DHRS1: variants seen among roughly 807,000 people sequenced by gnomAD.
DHRS1 encodes dehydrogenase/reductase SDR family member 1.
DHRS1 carries 34 observed loss-of-function variants against 35.2 expected under a neutral mutation model. The ratio of observed to expected loss-of-function variants is 0.97; its 90% confidence interval spans 0.74 to 1.29. DHRS1 has a LOEUF of 1.29. Ranked by LOEUF, DHRS1 falls within the 50% of genes most tolerant of loss-of-function variation. The probability of loss-of-function intolerance (pLI) is 0.00; values close to 1 mark genes in which losing one functional copy is unlikely to be tolerated. For missense variants in DHRS1, 354 were observed against 403.6 expected (o/e 0.88, Z 1.05); for synonymous variants, 133 against 160.0 (o/e 0.83, Z 1.27).
rs1315963016 is a variant in DHRS1, at chr14:24,299,024, C to G, written c.83G>C (p.Cys28Ser). The G allele has an allele frequency of 6.2e-7, 1 of 1,613,930 alleles. No individual in the cohort carries two copies. The highest frequency in any genetic ancestry group is 8.5e-7 in the Non-Finnish European group (1 of 1,179,940). ...GATGTAAACTGTGGCGCCTGCTTTG[C>G]AGAGCTGCAAGGCAATGCCACGGCC... ...GIGRGIALQLCKAGATVYITG... is the reference protein window; with the variant it reads ...GIGRGIALQLSKAGATVYITG... The change falls in exon 2 of 9, where the codon TGC becomes TCC. Residue 28 changes from cysteine (C) to serine (S), a missense_variant. By Grantham distance (112) the Cys-to-Ser change is moderately radical (BLOSUM62 -1). Coordinates refer to ENST00000288111, the MANE Select transcript of DHRS1 (RefSeq NM_001136050.3).
chr14:24,298,001 A>C (rs1023275723), intron 2 of DHRS1, among the ~76,000 whole-genome samples: 1 of 152,126 alleles, frequency 6.6e-6, no homozygotes, highest in Non-Finnish European at 1.5e-5. Context: ...CATTGAAGTG[A>C]CTGCTTTCTG....
chr14:24,295,857 A>G (rs12896386), intron 4 of DHRS1, among the ~76,000 whole-genome samples: 1 of 152,050 alleles, frequency 6.6e-6, no homozygotes, highest in African/African-American at 2.4e-5. Flanking sequence ...ATTTGCCGAT[A>G]ATCTCGTGGT....
At position 24,292,792 on chromosome 14, in the gene DHRS1, G is replaced by T; in HGVS notation, c.375-8C>A. 6.2e-7 allele frequency: 1 copy of T among 1,609,228 alleles called. No homozygotes were observed. Among genetic ancestry groups the T allele is most frequent in the Non-Finnish European group, 8.5e-7 (1 of 1,177,904 alleles). Reference sequence around the variant, plus strand: ...GAGCAAAAGTAGTGGCCTCTAGAAGGTGGGGCAAGGGAAGAAGGAATGAAC... The same window carrying T: ...GAGCAAAAGTAGTGGCCTCTAGAAGTTGGGGCAAGGGAAGAAGGAATGAAC... On this transcript the variant is annotated splice_region_variant and splice_polypyrimidine_tract_variant and intron_variant, in intron 4 of 8. Transcript: ENST00000288111.
At chr14:24,298,701 G>A (rs765702388) in intron 2 of DHRS1, 4 of 394,402 alleles carry the variant, frequency 1.0e-5, no homozygotes, top group East Asian at 4.7e-5. Flanking sequence ...CTCAGCCTCC[G>A]GAGTAGCTGC....
chr14:24,292,199 A>G lies in DHRS1; in HGVS notation c.639T>C (p.Asp213=). The change falls in exon 6 of 9, where the codon GAT becomes GAC. Residue 213 remains aspartate (D), a synonymous_variant. Transcript: ENST00000288111. The stretch of plus-strand genomic sequence containing the variant: ...CCTTGCCAACCTGCTTCAACACAGG[A>G]TCCTGCAGGACCTCCTCCTTTGCCA... ...EHMAKEEVLQ[D]PVLKQFKSAF... The G allele has an allele frequency of 6.2e-7, 1 of 1,613,990 alleles. No individual in the cohort carries two copies. The highest frequency in any genetic ancestry group is 8.5e-7 in the Non-Finnish European group (1 of 1,179,966).
Position 24,299,296 on chromosome 14 carries a change from G to A in DHRS1, c.-24-166C>T, listed in dbSNP as rs536211046. On this transcript the variant is annotated intron_variant, in intron 1 of 8. Transcript: ENST00000288111. ...GCTGACAACTGGGTGCGGGCCTGAG[G>A]ACAAGGCTGACTGTCTTTTGGGAGG... The A allele has an allele frequency of 6.7e-4, 403 of 603,572 alleles. 2 individuals carry two copies. In the South Asian group the frequency reaches 8.6e-3, roughly 13 times the overall value. 37.4% of individuals were successfully genotyped at this position (603,572 alleles called of 1,614,324 possible).
chr14:24,299,193 T>TCTCCCCTACCCCCCAACCTC, intron 1 of DHRS1, 63 bp from the exon 2 acceptor site: 1 of 1,465,184 alleles, frequency 6.8e-7, no homozygotes, highest in Non-Finnish European at 9.2e-7. Flanking sequence ...GGGGCGAGGT[T>TCTCCCCTACCCCCCAACCTC]GGGGGGTAGG....
Position 24,291,639 on chromosome 14 carries a change from G to T in DHRS1, c.655-14C>A. The T allele has an allele frequency of 6.2e-7, 1 of 1,613,336 alleles. No homozygotes were observed. Among genetic ancestry groups the T allele is most frequent in the Non-Finnish European group, 8.5e-7 (1 of 1,179,226 alleles). ...GGCTGATTTGAACTGAAACACAGGG[G>T]CAGAGAAGTGAAGGGTTAATTTCCA... is the stretch of plus-strand genomic sequence containing the variant. On this transcript the variant is annotated splice_polypyrimidine_tract_variant and intron_variant, in intron 6 of 8. Coordinates refer to ENST00000288111, the MANE Select transcript of DHRS1 (RefSeq NM_001136050.3).
In DHRS1 at chr14:24,299,139, G is replaced by A. The variant is rs753198791; in HGVS notation, c.-24-9C>T. 6.3e-7 allele frequency: 1 copy of A among 1,599,236 alleles called. No homozygotes were observed. The highest frequency in any genetic ancestry group is 1.1e-5 in the South Asian group (1 of 90,338). On this transcript the variant is annotated splice_polypyrimidine_tract_variant and intron_variant, in intron 1 of 8. Transcript: ENST00000288111. ...AGGCAAAGGAGGCAGGTCTGTGGAA[G>A]CAAAGACTTACTCTGAGGGAAGCCT...
chr14:24,291,095 G>C, intron 8 of DHRS1, 44 bp downstream of exon 8: 1 of 1,613,416 alleles, frequency 6.2e-7, no homozygotes, highest in Non-Finnish European at 8.5e-7. Context: ...GCAGGGAACA[G>C]AGGGAACAGC....
intron 2 of DHRS1, among the ~76,000 whole-genome samples, chr14:24,298,450 A>T (rs2041300120): frequency 6.6e-6 from 1 of 152,236 alleles, no homozygotes; most frequent in Non-Finnish European, 1.5e-5. Context: ...TCAAATATTT[A>T]TTTAACTGAA....
At chr14:24,292,125 T>C in intron 6 of DHRS1, 59 bp downstream of exon 6, 1 of 1,606,040 alleles carries the variant, frequency 6.2e-7, no homozygotes, top group Non-Finnish European at 8.5e-7. Context: ...GATCTTGTTA[T>C]TGAGGATGCA....
Position 24,290,757 on chromosome 14 carries a change from A to G in DHRS1, c.*102T>C. ...CAGCAGAGGGCTTCTCTTCATATCA[A>G]GGGTATGGGTAAACAAGAAAGGCTG... On this transcript the variant is annotated 3_prime_UTR_variant, in exon 9 of 9. Transcript: ENST00000288111. The G allele has an allele frequency of 6.8e-7, 1 of 1,467,368 alleles. No homozygotes were observed. Among genetic ancestry groups the G allele is most frequent in the Non-Finnish European group, 9.4e-7 (1 of 1,062,478 alleles). 90.9% of individuals were successfully genotyped at this position (1,467,368 alleles called of 1,614,324 possible).
rs199559813 is a variant in DHRS1, at chr14:24,292,172, C to G, written c.654+12G>C. On this transcript the variant is annotated intron_variant, in intron 6 of 8. Coordinates refer to ENST00000288111, the MANE Select transcript of DHRS1 (RefSeq NM_001136050.3). ...CCCTGTTCTCTGCTTCCTTCGCCCT[C>G]CCCTTGCCAACCTGCTTCAACACAG... 9 of 1,614,120 alleles carry G rather than the reference C, an allele frequency of 5.6e-6. No homozygotes were observed. Among genetic ancestry groups the G allele is most frequent in the Non-Finnish European group, 7.6e-6 (9 of 1,180,004 alleles).
rs765209628 is a variant in DHRS1, at chr14:24,296,757, T to C, written c.275A>G (p.Asn92Ser). Residue 92 changes from asparagine (N) to serine (S), a missense_variant, in exon 3 of 9, where the codon AAT becomes AGT. Asn to Ser is a conservative substitution (Grantham distance 46). Transcript: ENST00000288111. ...QQGRLDVLVN[N>S]AYAGVQTILN... ...GGGTACCTGGACCCCTGCATAAGCA[T>C]TGTTGACCAGCACATCTAGACGCCC... The C allele has an allele frequency of 2.5e-6, 4 of 1,614,182 alleles. No individual in the cohort carries two copies. The highest frequency in any genetic ancestry group is 2.2e-5 in the East Asian group (1 of 44,880).
chr14:24,292,057 G>A, intron 6 of DHRS1, 127 bp downstream of exon 6: 1 of 1,159,140 alleles, frequency 8.6e-7, no homozygotes, highest in Non-Finnish European at 1.3e-6. Context: ...GAAATAATGT[G>A]TGTCCCATGC....
At chr14:24,293,000 G>A in intron 4 of DHRS1, 4 of 532,340 alleles carry the variant, frequency 7.5e-6, no homozygotes, top group South Asian at 6.0e-5. Flanking sequence ...AGCAATCTTT[G>A]GAAGAAGAAA....
rs374567221 is a variant in DHRS1 at position 24,296,504 on chromosome 14, C to T, written c.374+5G>A. 1.4e-5 allele frequency: 22 copies of T among 1,613,972 alleles called. No individual in the cohort carries two copies. Among genetic ancestry groups the T allele is most frequent in the South Asian group, 8.8e-5 (8 of 91,080 alleles). On this transcript the variant is annotated splice_donor_5th_base_variant and intron_variant, in intron 4 of 8. Transcript: ENST00000288111. ...GAACATGGGTCCTGGCAGTGGAGCACCCACCTGAGTCCGACGTTGTTGATA... is the reference window on the plus strand; with the variant it reads ...GAACATGGGTCCTGGCAGTGGAGCATCCACCTGAGTCCGACGTTGTTGATA...
chr14:24,293,176 T>C (rs1019381875), intron 4 of DHRS1: 12 of 173,172 alleles, frequency 6.9e-5, no homozygotes, highest in Admixed American at 5.6e-4. Flanking sequence ...ATCATTTCTA[T>C]GTAAATCAAT....
Sources: gnomAD v4.1 joint callset for allele counts (sites outside exome capture counted in the v4.1 genomes callset) on GRCh38, gnomAD v4.1.1 for gene constraint, MANE v1.5 for transcripts, NCBI Gene and HGNC (gene_info 2026-07-23, HGNC 2026-07-21) for gene names.